BAZ2B: variants seen among roughly 807,000 people sequenced by gnomAD.
BAZ2B encodes bromodomain adjacent to zinc finger domain 2B, also known as bromodomain adjacent to zinc finger domain protein 2B.
In BAZ2B, 91 loss-of-function variants were observed where a neutral mutation model predicts 246.0. The ratio of observed to expected loss-of-function variants is 0.37; its 90% CI spans 0.31 to 0.44. The LOEUF (loss-of-function observed/expected upper bound fraction) is 0.44. Among genes scored for constraint, BAZ2B ranks in the 20% least tolerant of loss-of-function variants. The probability of loss-of-function intolerance (pLI) is 1.00; values close to 1 mark genes in which losing one functional copy is unlikely to be tolerated. For missense variants in BAZ2B, 2,332 were observed against 2,533.7 expected (o/e 0.92, Z 1.71); for synonymous variants, 855 against 860.0 (o/e 0.99, Z 0.10).
At position 159,436,703 on chromosome 2, in the gene BAZ2B, A is replaced by G. The variant is rs1159547488; in HGVS notation, c.1293+1600T>C. 5.3e-5 allele frequency among the ~76,000 whole-genome samples: 8 copies of G among 152,164 alleles called. No homozygotes were observed. In the East Asian group the frequency reaches 1.5e-3, roughly 29 times the overall value. On this transcript the variant is annotated intron_variant, in intron 8 of 36. Coordinates refer to ENST00000392783, the MANE Select transcript of BAZ2B (RefSeq NM_013450.4). ...GAGGTGGAGCTTGCAGTGAGCGGAG[A>G]TCTTGCCACTGCACTCCAGCCTGGG...
the BAZ2B span, among the ~76,000 whole-genome samples, chr2:159,681,454 A>C: frequency 1.3e-5 from 2 of 152,054 alleles, no homozygotes. Context: ...CCAAAAAAAA[A>C]AAAGGAAAAA....
chr2:159,707,554 G>A, the BAZ2B span, among the ~76,000 whole-genome samples: 1 of 152,004 alleles, frequency 6.6e-6, no homozygotes, highest in Middle Eastern at 3.4e-3. Flanking sequence ...GGGGCTGGGC[G>A]TGGTGGCTCA....
At chr2:159,442,669 C>T (rs2073638654) in intron 6 of BAZ2B, among the ~76,000 whole-genome samples, 2 of 152,176 alleles carry the variant, frequency 1.3e-5, no homozygotes, top group Non-Finnish European at 2.9e-5. Flanking sequence ...TCCCTCCTTC[C>T]ATGCTAGCCA....
chr2:159,357,145 G>A (rs2059200978), intron 27 of BAZ2B, among the ~76,000 whole-genome samples: 1 of 152,012 alleles, frequency 6.6e-6, no homozygotes, highest in African/African-American at 2.4e-5. Context: ...TGACAGAAGT[G>A]GGCTTCAGAA....
At position 159,349,771 on chromosome 2, in the gene BAZ2B, A is replaced by G; in HGVS notation, c.4800T>C (p.Ala1600=). 6.2e-7 allele frequency: 1 copy of G among 1,614,080 alleles called. No homozygotes were observed. Among genetic ancestry groups the G allele is most frequent in the Non-Finnish European group, 8.5e-7 (1 of 1,179,994 alleles). ...PPSKSPSPTP[A]PLGSSAQNPV... ...GATTCTGAGCAGAAGATCCAAGAGG[A>G]GCTGGGGTAGGTGAAGGTGACTTAG... The change falls in exon 28 of 37, where the codon GCT becomes GCC. Residue 1600 remains alanine, a synonymous_variant. Transcript: ENST00000392783.
At chr2:159,450,712 A>G (rs1263223201) in intron 4 of BAZ2B, among the ~76,000 whole-genome samples, 1 of 151,956 alleles carries the variant, frequency 6.6e-6, no homozygotes, top group Middle Eastern at 3.2e-3. Flanking sequence ...TATTCAAAAG[A>G]AAGAACAGCA....
At chr2:159,367,022 G>A (rs2060292292) in intron 27 of BAZ2B, among the ~76,000 whole-genome samples, 2 of 152,084 alleles carry the variant, frequency 1.3e-5, no homozygotes, top group Non-Finnish European at 2.9e-5. Flanking sequence ...CTTAGCCACC[G>A]AGCTGATGTG....
At position 159,320,436 on chromosome 2, in the gene BAZ2B, A is replaced by T; in HGVS notation, c.6354-18T>A. The T allele has an allele frequency of 1.3e-6, 2 of 1,535,932 alleles. No individual in the cohort carries two copies. The highest frequency in any genetic ancestry group is 1.7e-6 in the Non-Finnish European group (2 of 1,148,444). ...TTGGATACCTGAAAGAAAACAAATAATTAGAGATTGCGTTCATAGAGTGGA... is the reference window on the plus strand; with the variant it reads ...TTGGATACCTGAAAGAAAACAAATATTTAGAGATTGCGTTCATAGAGTGGA... On this transcript the variant is annotated intron_variant, in intron 36 of 36. Transcript: ENST00000392783.
chr2:159,445,872 T>A (rs2074164493), intron 6 of BAZ2B, among the ~76,000 whole-genome samples: 1 of 152,156 alleles, frequency 6.6e-6, no homozygotes, highest in South Asian at 2.1e-4. Context: ...CCCAGCACTT[T>A]GGGAGGCTGA....
chr2:159,607,104 C>G (rs1693684066), intron 1 of BAZ2B, among the ~76,000 whole-genome samples: 2 of 152,148 alleles, frequency 1.3e-5, no homozygotes, highest in Non-Finnish European at 2.9e-5. Context: ...ATCTGCCTGT[C>G]TCGGCCTCCC....
At chr2:159,604,947 T>TGTGTGTGC (rs1693074253) in intron 1 of BAZ2B, among the ~76,000 whole-genome samples, 1 of 131,604 alleles carries the variant, frequency 7.6e-6, no homozygotes, top group Non-Finnish European at 1.7e-5. Flanking sequence ...TGTGTGTGTG[T>TGTGTGTGC]GTGTGCGCGT....
intron 26 of BAZ2B, 118 bp downstream of exon 26, chr2:159,374,572 AT>A (rs1559157957): frequency 1.3e-6 from 1 of 781,874 alleles, no homozygotes. Flanking sequence ...CAGAATCTTC[AT>A]TTTTAATTAC....
the BAZ2B span, among the ~76,000 whole-genome samples, chr2:159,655,990 T>C: frequency 2.6e-5 from 4 of 152,264 alleles, no homozygotes; most frequent in African/African-American, 9.6e-5. Flanking sequence ...GATAGTTTTA[T>C]TTCCAGAGCA....
At chr2:159,630,932 G>A in the BAZ2B span, among the ~76,000 whole-genome samples, 3 of 152,182 alleles carry the variant, frequency 2.0e-5, no homozygotes, top group Non-Finnish European at 2.9e-5. Context: ...AGTGGCTCAC[G>A]TGTGTAGTCC....
chr2:159,583,799 T>C (rs1687401425), intron 1 of BAZ2B, among the ~76,000 whole-genome samples: 1 of 152,126 alleles, frequency 6.6e-6, no homozygotes, highest in South Asian at 2.1e-4. Flanking sequence ...CGGTTTATTT[T>C]TGTTAGTGTT....
At chr2:159,703,429 A>G in the BAZ2B span, among the ~76,000 whole-genome samples, 4 of 152,170 alleles carry the variant, frequency 2.6e-5, no homozygotes, top group African/African-American at 9.7e-5. Flanking sequence ...TGTGATAAAC[A>G]TAAGCTTAAA....
intron 13 of BAZ2B, among the ~76,000 whole-genome samples, chr2:159,424,458 C>T (rs1476682734): frequency 6.6e-6 from 1 of 152,092 alleles, no homozygotes; most frequent in Non-Finnish European, 1.5e-5. Context: ...GTATTATCTT[C>T]TAGCAGAAAG....
At position 159,569,879 on chromosome 2, in the gene BAZ2B, C is replaced by T. The variant is rs556413690; in HGVS notation, c.-45-14014G>A. ...AGGTAATTTTCAGCAGTTAATTCAC[C>T]TGTGAGATCATTTTTATTGTTGTCT... On this transcript the variant is annotated intron_variant, in intron 1 of 36. Coordinates refer to ENST00000392783, the MANE Select transcript of BAZ2B (RefSeq NM_013450.4). Among the ~76,000 whole-genome samples the T allele has an allele frequency of 5.3e-5, 8 of 151,994 alleles. No homozygotes were observed. In the South Asian group the frequency reaches 8.3e-4, roughly 16 times the overall value.
chr2:159,504,381 T>C (rs937360187), intron 2 of BAZ2B, among the ~76,000 whole-genome samples: 4 of 152,096 alleles, frequency 2.6e-5, no homozygotes, highest in Non-Finnish European at 4.4e-5. Flanking sequence ...CAGGCCCAAG[T>C]GCAGTGGATA....
Sources: allele counts gnomAD v4.1 joint callset (sites outside exome capture counted in the v4.1 genomes callset), GRCh38; gene constraint gnomAD v4.1.1; transcripts MANE v1.5; gene names NCBI Gene and HGNC (gene_info 2026-07-23, HGNC 2026-07-21).